The following NUP153 variants were observed in gnomAD, a reference collection of about 807,000 sequenced individuals.
The protein encoded by NUP153 is nucleoporin 153.
Under a neutral mutation model 134.6 loss-of-function variants are expected in NUP153, and 27 were observed. That is an observed-to-expected ratio of 0.20 (90% CI 0.15 to 0.28). The LOEUF (loss-of-function observed/expected upper bound fraction) is 0.28. Ranked by LOEUF, NUP153 falls within the 10% of genes least tolerant of loss-of-function variation. NUP153 has a pLI of 1.00. For synonymous variants in NUP153, 640 were observed against 623.5 expected, an observed-to-expected ratio of 1.03 and a Z score of -0.40; for missense variants, 1,821 against 1,731.3, an observed-to-expected ratio of 1.05 and a Z score of -0.92.
intron 2 of NUP153, among the ~76,000 whole-genome samples, chr6:17,676,692 A>C (rs1015438390): frequency 1.3e-5 from 2 of 152,206 alleles, no homozygotes; most frequent in African/African-American, 2.4e-5. Context: ...AAACAGCACA[A>C]AAAAAAACTC....
In NUP153 at chr6:17,675,232, G is replaced by T; in HGVS notation, c.720C>A (p.Ser240=). 6.2e-7 allele frequency: 1 copy of T among 1,614,062 alleles called. No individual in the cohort carries two copies. The highest frequency in any genetic ancestry group is 8.5e-7 in the Non-Finnish European group (1 of 1,180,008). ...AFNLSAFGTL[S]PSLGNSSILK... is the part of the protein sequence containing the mutation. ...ATCCAACCCAGTTAGTACTCACAGG[G>T]GAAAGTGTTCCAAAGGCAGACAAGT... Residue 240 remains serine, a synonymous_variant, in exon 4 of 22, where the codon TCC becomes TCA. Coordinates refer to ENST00000262077, the MANE Select transcript of NUP153 (RefSeq NM_005124.4). The surrounding 1 kb of genome is among the most constrained non-coding windows in gnomAD (Gnocchi z 4.4).
chr6:17,676,605 G>C (rs1466245223), intron 2 of NUP153, among the ~76,000 whole-genome samples: 1 of 151,998 alleles, frequency 6.6e-6, no homozygotes, highest in African/African-American at 2.4e-5. Context: ...GAATAAGTGG[G>C]ACCAGACCAG....
intron 2 of NUP153, among the ~76,000 whole-genome samples, chr6:17,682,933 A>AAG (rs1241828737): frequency 6.6e-6 from 1 of 151,430 alleles, no homozygotes; most frequent in Non-Finnish European, 1.5e-5. Context: ...AAGAAAAAAA[A>AAG]AAAAAAAAAC....
At chr6:17,644,995 G>A (rs1766070773) in intron 14 of NUP153, among the ~76,000 whole-genome samples, 1 of 152,060 alleles carries the variant, frequency 6.6e-6, no homozygotes, top group African/African-American at 2.4e-5. Context: ...TTGAGGAGGA[G>A]AATGGCATGA....
At chr6:17,619,892 G>A (rs1460964458) in intron 20 of NUP153, among the ~76,000 whole-genome samples, 3 of 152,064 alleles carry the variant, frequency 2.0e-5, no homozygotes, top group Non-Finnish European at 4.4e-5. Context: ...GAGGTCAGGA[G>A]TTCGAGACCA....
chr6:17,651,567 T>G (rs1372862452), intron 11 of NUP153, among the ~76,000 whole-genome samples: 1 of 152,066 alleles, frequency 6.6e-6, no homozygotes, highest in African/African-American at 2.4e-5. Context: ...AATATAAACA[T>G]GGACAGGCTC....
chr6:17,679,861 C>A (rs560602577), intron 2 of NUP153, among the ~76,000 whole-genome samples: 144 of 152,168 alleles, frequency 9.5e-4, no homozygotes, highest in African/African-American at 3.3e-3. Context: ...TTAGGAGATC[C>A]AAAATCAAAC....
Position 17,615,835 on chromosome 6 carries a change from T to C in NUP153, c.*262A>G, listed in dbSNP as rs1764283401. On this transcript the variant is annotated 3_prime_UTR_variant, in exon 22 of 22. Transcript: ENST00000262077. This position sits in a 1 kb window ranked among gnomAD's most constrained non-coding sequence, Gnocchi z 5.7. ...TCCATTCCTGGGTACAGCCAGACTA[T>C]GTCAAATCAGTGAATAATCTGCTGG... The C allele has an allele frequency of 2.5e-6, 1 of 404,510 alleles. No homozygotes were observed. Among genetic ancestry groups the C allele is most frequent in the South Asian group, 3.8e-5 (1 of 26,100 alleles). 25.1% of individuals were successfully genotyped at this position (404,510 alleles called of 1,614,324 possible). A position where few individuals can be genotyped will look rare whatever the true frequency, so the allele number is the denominator to read the frequency against.
rs1765680404 is a variant in NUP153, at chr6:17,638,569, GATTA to G, written c.1847-803_1847-800del. 1.3e-5 allele frequency among the ~76,000 whole-genome samples: 2 copies of G among 152,314 alleles called. No homozygotes were observed. Among genetic ancestry groups the G allele is most frequent in the South Asian group, 4.1e-4 (2 of 4,828 alleles). ...GTGGGCAACGTGTTATTTTGCTTATGATTAATTTAAATCACTAAGATTGGCAAGA... is the reference window on the plus strand; with the variant it reads ...GTGGGCAACGTGTTATTTTGCTTATGATTTAAATCACTAAGATTGGCAAGA... On this transcript the variant is annotated intron_variant, in intron 15 of 21. Transcript: ENST00000262077. This position sits in a 1 kb window ranked among gnomAD's most constrained non-coding sequence, Gnocchi z 4.0.
intron 1 of NUP153, among the ~76,000 whole-genome samples, chr6:17,702,540 G>T (rs534521865): frequency 6.6e-6 from 1 of 151,304 alleles, no homozygotes; most frequent in Admixed American, 6.6e-5. Context: ...GCCGTTTGTG[G>T]TGGCGCATGC....
intron 20 of NUP153, 67 bp downstream of exon 20, chr6:17,624,494 C>G: frequency 6.7e-7 from 1 of 1,495,644 alleles, no homozygotes; most frequent in Non-Finnish European, 9.1e-7. Context: ...GGTTTCCAAG[C>G]TCAAAGGAAA....
rs772067401 is a variant in NUP153 at position 17,688,590 on chromosome 6, A to G, written c.140T>C (p.Val47Ala). ...QGILSRVTES[V>A]KNIVPGWLQR... Reference sequence around the variant, plus strand: ...TAGCCACCCTGGCACAATATTCTTAACAGATTCTGTAACCCTGCTAAGAAT... The same window carrying G: ...TAGCCACCCTGGCACAATATTCTTAGCAGATTCTGTAACCCTGCTAAGAAT... Residue 47 changes from valine to alanine, a missense_variant, in exon 2 of 22, where the codon GTT becomes GCT. Transcript: ENST00000262077. The G allele has an allele frequency of 6.2e-7, 1 of 1,613,590 alleles. No individual in the cohort carries two copies. The highest frequency in any genetic ancestry group is 8.5e-7 in the Non-Finnish European group (1 of 1,179,546).
chr6:17,671,505 A>T (rs1285185059), intron 5 of NUP153, among the ~76,000 whole-genome samples: 1 of 152,234 alleles, frequency 6.6e-6, no homozygotes, highest in Non-Finnish European at 1.5e-5. Context: ...TATTCAGGCT[A>T]CATATTCTTG....
At chr6:17,651,213 G>C (rs1211300862) in intron 11 of NUP153, among the ~76,000 whole-genome samples, 1 of 152,144 alleles carries the variant, frequency 6.6e-6, no homozygotes, top group Non-Finnish European at 1.5e-5. Context: ...TGAGGTGGGA[G>C]AATGGCCTGA....
intron 1 of NUP153, among the ~76,000 whole-genome samples, chr6:17,704,012 G>A (rs1349650835): frequency 6.6e-6 from 1 of 152,224 alleles, no homozygotes; most frequent in Admixed American, 6.5e-5. Context: ...GTGATCAGGG[G>A]CCGGGCGCGG....
At position 17,638,779 on chromosome 6, in the gene NUP153, A is replaced by G. The variant is rs182315969; in HGVS notation, c.1847-1009T>C. Among the ~76,000 whole-genome samples the G allele has an allele frequency of 8.5e-5, 13 of 152,112 alleles. No homozygotes were observed. Among genetic ancestry groups the G allele is most frequent in the Admixed American group, 6.5e-4 (10 of 15,294 alleles). On this transcript the variant is annotated intron_variant, in intron 15 of 21. Transcript: ENST00000262077. This position sits in a 1 kb window ranked among gnomAD's most constrained non-coding sequence, Gnocchi z 4.0. ...TAACCCCAGATACACAAGACAGACT[A>G]TACACATTTGAGGCTTGCCTACTAC...
intron 5 of NUP153, among the ~76,000 whole-genome samples, chr6:17,672,974 T>C (rs1336863539): frequency 6.6e-6 from 1 of 152,114 alleles, no homozygotes; most frequent in East Asian, 1.9e-4. Context: ...CTTTGTGACA[T>C]GGGATTATAA....
intron 17 of NUP153, 53 bp downstream of exon 17, chr6:17,632,597 C>A: frequency 2.9e-6 from 4 of 1,370,738 alleles, no homozygotes; most frequent in Non-Finnish European, 2.0e-6. Context: ...TTTTAAATGG[C>A]CTTACAAAAA....
intron 1 of NUP153, among the ~76,000 whole-genome samples, chr6:17,694,007 TTA>T (rs1769460038): frequency 6.6e-6 from 1 of 152,260 alleles, no homozygotes; most frequent in Non-Finnish European, 1.5e-5. Context: ...TTATTTTTTA[TTA>T]AAACTTTTTT....
Sources: gnomAD v4.1 joint callset for allele counts (sites outside exome capture counted in the v4.1 genomes callset) on GRCh38, gnomAD v4.1.1 for gene constraint, Gnocchi (gnomAD v3.1) non-coding constraint, MANE v1.5 for transcripts, NCBI Gene and HGNC (gene_info 2026-07-23, HGNC 2026-07-21) for gene names.